The following RGS7BP variants were observed in gnomAD, a reference collection of about 807,000 sequenced individuals.
The protein encoded by RGS7BP is regulator of G protein signaling 7 binding protein.
A neutral mutation model predicts 31.3 loss-of-function variants in RGS7BP; 9 were observed. That is an observed-to-expected ratio of 0.29 (90% CI 0.17 to 0.50). The LOEUF (loss-of-function observed/expected upper bound fraction) is 0.50. Ranked by LOEUF, RGS7BP falls within the 20% of genes least tolerant of loss-of-function variation. RGS7BP has a pLI of 0.98. For missense variants in RGS7BP, 274 were observed against 322.0 expected (o/e 0.85, Z 1.14); for synonymous variants, 115 against 120.1 (o/e 0.96, Z 0.28).
At chr5:64,544,727 T>G (rs1353951103) in intron 2 of RGS7BP, among the ~76,000 whole-genome samples, 3 of 151,606 alleles carry the variant, frequency 2.0e-5, no homozygotes, top group Non-Finnish European at 4.4e-5. Flanking sequence ...GAAAAGGAGT[T>G]GAAAAAAGTG....
At chr5:64,598,865 T>G (rs1389714416) in intron 5 of RGS7BP, among the ~76,000 whole-genome samples, 2 of 152,234 alleles carry the variant, frequency 1.3e-5, no homozygotes, top group Non-Finnish European at 2.9e-5. Flanking sequence ...ACTTATTTAA[T>G]TCTAAACAAC....
chr5:64,587,810 C>T (rs971065674), intron 3 of RGS7BP, among the ~76,000 whole-genome samples: 12 of 152,132 alleles, frequency 7.9e-5, no homozygotes, highest in Non-Finnish European at 1.5e-4. Context: ...TACCCAGGTA[C>T]CCATTGGAGA....
chr5:64,507,885 A>C lies in RGS7BP; in HGVS notation c.332+8A>C, dbSNP rs1284613680. On this transcript the variant is annotated splice_region_variant and intron_variant, in intron 2 of 5. Transcript: ENST00000334025. ...ATTGGCTGCCATCTCAGGGTAGGAG[A>C]CTCGGCATTATTTGGTAATCCATAT... 3 of 1,607,342 alleles carry C rather than the reference A, an allele frequency of 1.9e-6. No homozygotes were observed. Among genetic ancestry groups the C allele is most frequent in the South Asian group, 1.1e-5 (1 of 90,544 alleles).
chr5:64,611,399 CT>C lies in RGS7BP; in HGVS notation c.*2148del, dbSNP rs1462952580. ...CAGCACGTTCTTCTAAATGCCTGACCTAAATAACTTCTGCTTGGTTAACTTG... is the reference window on the plus strand; with the variant it reads ...CAGCACGTTCTTCTAAATGCCTGACCAAATAACTTCTGCTTGGTTAACTTG... On this transcript the variant is annotated 3_prime_UTR_variant, in exon 6 of 6. Coordinates refer to ENST00000334025, the MANE Select transcript of RGS7BP (RefSeq NM_001029875.3). 7 of 152,204 alleles carry C rather than the reference CT, an allele frequency of 4.6e-5. No individual in the cohort carries two copies. Among genetic ancestry groups the C allele is most frequent in the African/African-American group, 1.7e-4 (7 of 41,340 alleles). 9.4% of individuals were successfully genotyped at this position (152,204 alleles called of 1,614,324 possible).
At chr5:64,577,589 ATTTTGCAAGGG>A (rs1186485138) in intron 3 of RGS7BP, among the ~76,000 whole-genome samples, 1 of 152,154 alleles carries the variant, frequency 6.6e-6, no homozygotes, top group Admixed American at 6.5e-5. Flanking sequence ...CTGAAGGCTG[ATTTTGCAAGGG>A]TTTCCATCTT....
At chr5:64,551,263 TTTTA>T (rs1741787620) in intron 2 of RGS7BP, among the ~76,000 whole-genome samples, 1 of 150,264 alleles carries the variant, frequency 6.7e-6, no homozygotes, top group Non-Finnish European at 1.5e-5. Context: ...TTATTTTTTA[TTTTA>T]TTTTTTTTTT....
chr5:64,575,459 T>C (rs887642235), intron 2 of RGS7BP, among the ~76,000 whole-genome samples: 8 of 152,220 alleles, frequency 5.3e-5, no homozygotes, highest in African/African-American at 1.4e-4. Context: ...GAGATTCTTA[T>C]GGTTTTTGGA....
Position 64,610,998 on chromosome 5 carries a change from G to C in RGS7BP, c.*1746G>C, listed in dbSNP as rs1372461462. 1.3e-5 allele frequency: 2 copies of C among 151,644 alleles called. No individual in the cohort carries two copies. Among genetic ancestry groups the C allele is most frequent in the Non-Finnish European group, 2.9e-5 (2 of 67,844 alleles). 9.4% of individuals were successfully genotyped at this position (151,644 alleles called of 1,614,324 possible). A position where few individuals can be genotyped will look rare whatever the true frequency, so the allele number is the denominator to read the frequency against. On this transcript the variant is annotated 3_prime_UTR_variant, in exon 6 of 6. Transcript: ENST00000334025. Reference sequence around the variant, plus strand: ...TTAATGCATGGTTATAGGTATACCTGGCTTCAAAAAAAAGAAGTAGCCGTG... The same window carrying C: ...TTAATGCATGGTTATAGGTATACCTCGCTTCAAAAAAAAGAAGTAGCCGTG...
At chr5:64,595,000 A>T in intron 4 of RGS7BP, 143 bp downstream of exon 4, 2 of 826,862 alleles carry the variant, frequency 2.4e-6, no homozygotes, top group African/African-American at 3.4e-5. Context: ...GCTGTCAGGG[A>T]CCCTGGAGAC....
At chr5:64,563,185 G>C (rs550044196) in intron 2 of RGS7BP, among the ~76,000 whole-genome samples, 1 of 152,192 alleles carries the variant, frequency 6.6e-6, no homozygotes, top group Admixed American at 6.5e-5. Context: ...CAAAACCCTA[G>C]TGTATTATAG....
intron 2 of RGS7BP, among the ~76,000 whole-genome samples, chr5:64,543,473 C>G (rs964531184): frequency 2.0e-5 from 3 of 152,198 alleles, no homozygotes; most frequent in Non-Finnish European, 4.4e-5. Flanking sequence ...CATGAGGATT[C>G]TCTGTTTCTC....
chr5:64,538,068 C>T (rs575503397), intron 2 of RGS7BP, among the ~76,000 whole-genome samples: 4 of 152,128 alleles, frequency 2.6e-5, no homozygotes, highest in Non-Finnish European at 5.9e-5. Flanking sequence ...AGTTGATAAA[C>T]CTAAGAAGTA....
intron 2 of RGS7BP, among the ~76,000 whole-genome samples, chr5:64,553,091 T>C (rs1741834225): frequency 6.6e-6 from 1 of 152,174 alleles, no homozygotes; most frequent in Non-Finnish European, 1.5e-5. Flanking sequence ...GCCTGCCTTT[T>C]ATTTTTGGAG....
Position 64,506,749 on chromosome 5 carries a change from G to A in RGS7BP, c.125G>A (p.Ser42Asn). ...GAGCGCAGGGGCAGCGGCTCCGAGAGCGCCCACAAAACCCAACGAGCCCTG... is the reference window on the plus strand; with the variant it reads ...GAGCGCAGGGGCAGCGGCTCCGAGAACGCCCACAAAACCCAACGAGCCCTG... ...DWERRGSGSE[S>N]AHKTQRALDD... Residue 42 changes from serine to asparagine, a missense_variant, in exon 1 of 6, where the codon AGC becomes AAC. Physicochemically the swap from Ser to Asn is conservative, Grantham distance 46 (BLOSUM62 1). Coordinates refer to ENST00000334025, the MANE Select transcript of RGS7BP (RefSeq NM_001029875.3). This position sits in a 1 kb window ranked among gnomAD's most constrained non-coding sequence, Gnocchi z 4.6. 3.1e-6 allele frequency: 5 copies of A among 1,605,456 alleles called. No homozygotes were observed. Among genetic ancestry groups the A allele is most frequent in the Non-Finnish European group, 4.3e-6 (5 of 1,173,204 alleles).
chr5:64,546,133 G>A (rs992617960), intron 2 of RGS7BP, among the ~76,000 whole-genome samples: 8 of 152,042 alleles, frequency 5.3e-5, no homozygotes, highest in African/African-American at 1.4e-4. Flanking sequence ...CAGCCTGGGC[G>A]ACAGAACAAG....
chr5:64,527,642 A>G (rs6873254), intron 2 of RGS7BP, among the ~76,000 whole-genome samples: 41,083 of 135,918 alleles, frequency 0.3, 7,268 homozygotes, highest in East Asian at 0.72. Flanking sequence ...AAAAAAAAAA[A>G]GAGGAATGTT....
intron 3 of RGS7BP, among the ~76,000 whole-genome samples, chr5:64,589,354 G>A (rs1742847379): frequency 6.6e-6 from 1 of 151,802 alleles, no homozygotes; most frequent in Non-Finnish European, 1.5e-5. Flanking sequence ...AATGGTACAA[G>A]CTGGCAGAAA....
chr5:64,548,184 A>G (rs1741705229), intron 2 of RGS7BP, among the ~76,000 whole-genome samples: 1 of 152,160 alleles, frequency 6.6e-6, no homozygotes, highest in African/African-American at 2.4e-5. Context: ...CAATATCATC[A>G]AATAATTTAT....
intron 5 of RGS7BP, among the ~76,000 whole-genome samples, chr5:64,600,262 A>G (rs1267927350): frequency 6.6e-6 from 1 of 152,162 alleles, no homozygotes; most frequent in Admixed American, 6.5e-5. Flanking sequence ...ATGGCTGCCC[A>G]GGGTCCCCCA....
Sources: allele counts gnomAD v4.1 joint callset (sites outside exome capture counted in the v4.1 genomes callset), GRCh38; gene constraint gnomAD v4.1.1; non-coding constraint Gnocchi (gnomAD v3.1); transcripts MANE v1.5; gene names NCBI Gene and HGNC (gene_info 2026-07-23, HGNC 2026-07-21).